The following MGAM2 variants were observed in gnomAD, a reference collection of about 807,000 sequenced individuals.
The protein encoded by MGAM2 is probable maltase-glucoamylase 2.
In MGAM2, 98 loss-of-function variants were observed where a neutral mutation model predicts 96.1. The observed-to-expected ratio is 1.02, with a 90% CI of 0.87 to 1.21. MGAM2 has a LOEUF of 1.21. MGAM2 is among the 50% of genes most tolerant of loss of function. The pLI, the probability that MGAM2 is intolerant of heterozygous loss-of-function variation, is 0.00. For missense variants in MGAM2, 2,055 were observed against 1,182.4 expected, an observed-to-expected ratio of 1.74 and a Z score of -10.82; for synonymous variants, 749 against 414.8, an observed-to-expected ratio of 1.81 and a Z score of -9.79.
intron 15 of MGAM2, among the ~76,000 whole-genome samples, chr7:142,149,679 T>C (rs993948923): frequency 5.3e-5 from 8 of 151,984 alleles, no homozygotes; most frequent in African/African-American, 1.7e-4. Context: ...TAGCTGGGAC[T>C]ACAGGCAGCT....
intron 3 of MGAM2, among the ~76,000 whole-genome samples, chr7:142,120,873 A>AATGG (rs1794549377): frequency 6.6e-6 from 1 of 152,228 alleles, no homozygotes; most frequent in Non-Finnish European, 1.5e-5. Context: ...TAGAGGTCCC[A>AATGG]ATGGATACGT....
In MGAM2 at chr7:142,170,242, T is replaced by C; in HGVS notation, c.3182+13T>C. 1.4e-6 allele frequency: 1 copy of C among 699,252 alleles called. No individual in the cohort carries two copies. Among genetic ancestry groups the C allele is most frequent in the South Asian group, 1.5e-5 (1 of 66,760 alleles). 43.3% of individuals were successfully genotyped at this position (699,252 alleles called of 1,614,324 possible). A position where few individuals can be genotyped will look rare whatever the true frequency, so the allele number is the denominator to read the frequency against. On this transcript the variant is annotated intron_variant, in intron 27 of 47. Coordinates refer to ENST00000477922, the MANE Select transcript of MGAM2 (RefSeq NM_001293626.2). ...CCAGCACTGTGATGTAAGCACTATT[T>C]ATTTGATTCTAATTAGAGTAGTTCT...
At position 142,186,013 on chromosome 7, in the gene MGAM2, C is replaced by T. The variant is rs1351550217; in HGVS notation, c.4012C>T (p.Pro1338Ser). Residue 1338 changes from proline to serine, a missense_variant, in exon 35 of 48, where the codon CCT (proline) becomes TCT (serine). Physicochemically the swap from Pro to Ser is moderately conservative, Grantham distance 74. Coordinates refer to ENST00000477922, the MANE Select transcript of MGAM2 (RefSeq NM_001293626.2). ...GCTTTACAGGGCCTACGTTGCCTTT[C>T]CTGACTTCTTTCGTAATAGCACAGC... ...VKLYRAYVAF[P>S]DFFRNSTAAW... is the part of the protein sequence containing the mutation. 1 of 703,726 alleles carries T rather than the reference C, an allele frequency of 1.4e-6. No homozygotes were observed. Among genetic ancestry groups the T allele is most frequent in the African/African-American group, 1.7e-5 (1 of 57,372 alleles). The allele number at this position is 703,726 out of a possible 1,614,324, so 43.6% of individuals were successfully genotyped here.
Position 142,208,579 on chromosome 7 carries a change from A to G in MGAM2, c.5144A>G (p.Tyr1715Cys), listed in dbSNP as rs1563296098. ...FWDDGQSIDT[Y>C]ENGNYFLANF... ...TTCTTTTCCTTGTTTGCAGATACCT[A>G]TGAAAATGGAAATTATTTTTTGGCA... Residue 1715 changes from tyrosine (Y) to cysteine (C), a missense_variant, in exon 46 of 48, where the codon TAT (tyrosine) becomes TGT (cysteine). Coordinates refer to ENST00000477922, the MANE Select transcript of MGAM2 (RefSeq NM_001293626.2). The G allele has an allele frequency of 1.4e-6, 1 of 702,838 alleles. No individual in the cohort carries two copies. Among genetic ancestry groups the G allele is most frequent in the Non-Finnish European group, 2.6e-6 (1 of 384,926 alleles). 43.5% of individuals were successfully genotyped at this position (702,838 alleles called of 1,614,324 possible).
chr7:142,213,471 T>C (rs930962047), intron 46 of MGAM2, among the ~76,000 whole-genome samples: 3 of 151,712 alleles, frequency 2.0e-5, no homozygotes, highest in African/African-American at 7.3e-5. Flanking sequence ...ATAGACACAA[T>C]AAAAAATGGT....
At chr7:142,203,861 T>G (rs1233292236) in intron 45 of MGAM2, among the ~76,000 whole-genome samples, 1 of 152,070 alleles carries the variant, frequency 6.6e-6, no homozygotes, top group Non-Finnish European at 1.5e-5. Flanking sequence ...GGATTGAAGA[T>G]TTAAATGTAA....
At chr7:142,153,872 T>C in intron 15 of MGAM2, 146 bp from the exon 16 acceptor site, 1 of 447,838 alleles carries the variant, frequency 2.2e-6, no homozygotes, top group Non-Finnish European at 4.0e-6. Flanking sequence ...AGCTCTTAGA[T>C]AGTACTAAGT....
chr7:142,198,476 A>G (rs1797120393), intron 43 of MGAM2, 139 bp from the exon 44 acceptor site: 1 of 592,976 alleles, frequency 1.7e-6, no homozygotes, highest in Non-Finnish European at 3.0e-6. Context: ...CTGAAAGATC[A>G]GAGATTTTCT....
At chr7:142,186,195 C>T (rs1033001363) in intron 35 of MGAM2, 72 bp downstream of exon 35, 2 of 674,386 alleles carry the variant, frequency 3.0e-6, no homozygotes, top group East Asian at 5.4e-5. Context: ...GGAGGAGAGA[C>T]TAGCAAAGCA....
chr7:142,147,642 C>T (rs948177652), intron 15 of MGAM2, 69 bp downstream of exon 15: 9 of 645,778 alleles, frequency 1.4e-5, no homozygotes, highest in Non-Finnish European at 2.5e-5. Context: ...GGTTTTTCTT[C>T]TGTTCTATAT....
rs1554515508 is a variant in MGAM2, at chr7:142,213,535, C to CTATAAAAA, written c.5188-4820_5188-4819insAATATAAA. On this transcript the variant is annotated intron_variant, in intron 46 of 47. Transcript: ENST00000477922. ...AAATACAAACTACCATCAGAGAATA[C>CTATAAAAA]TATAAACACCTCTATGCAAATAAAC... Among the ~76,000 whole-genome samples, 148 of 151,022 alleles carry CTATAAAAA rather than the reference C, an allele frequency of 9.8e-4. 1 individual carries two copies. The South Asian group carries it at 0.03, about 30-fold the overall frequency.
rs1554499608 is a variant in MGAM2 at position 142,114,224 on chromosome 7, A to AAGAAAGAAAGAAAGAAAGAG, written c.-1+2426_-1+2427insGAAAGAAAGAGAGAAAGAAA. ...AAAGAAAGAAAGAAAGAGAGAAAGA[A>AAGAAAGAAAGAAAGAAAGAG]AGAAAGAAATAGGAGACTACAAAGA... On this transcript the variant is annotated intron_variant, in intron 1 of 47. Coordinates refer to ENST00000477922, the MANE Select transcript of MGAM2 (RefSeq NM_001293626.2). Among the ~76,000 whole-genome samples, 17 of 137,096 alleles carry AAGAAAGAAAGAAAGAAAGAG rather than the reference A, an allele frequency of 1.2e-4. 1 individual carries two copies. Among genetic ancestry groups the AAGAAAGAAAGAAAGAAAGAG allele is most frequent in the Middle Eastern group, 3.7e-3 (1 of 270 alleles). The allele number at this position is 137,096 out of a possible 152,430, so 89.9% of individuals were successfully genotyped here. A position where few individuals can be genotyped will look rare whatever the true frequency, so the allele number is the denominator to read the frequency against.
rs1796749682 is a variant in MGAM2, at chr7:142,187,913, GC to G, written c.4207+81del. The stretch of plus-strand genomic sequence containing the variant: ...GTTTTCCTTTTACTGTCAAAGTGAA[GC>G]CTAATGTTGAAGACAGAAACCATTC... On this transcript the variant is annotated intron_variant, in intron 36 of 47. Coordinates refer to ENST00000477922, the MANE Select transcript of MGAM2 (RefSeq NM_001293626.2). 6.0e-6 allele frequency: 4 copies of G among 661,592 alleles called. No individual in the cohort carries two copies. The Admixed American group carries it at 8.8e-5, about 14-fold the overall frequency. 41.0% of individuals were successfully genotyped at this position (661,592 alleles called of 1,614,324 possible). A position where few individuals can be genotyped will look rare whatever the true frequency, so the allele number is the denominator to read the frequency against.
intron 3 of MGAM2, among the ~76,000 whole-genome samples, chr7:142,130,342 G>A (rs1371210834): frequency 6.6e-6 from 1 of 152,148 alleles, no homozygotes; most frequent in African/African-American, 2.4e-5. Context: ...TCTTTCTCAT[G>A]GGAAAGTCCA....
At chr7:142,116,008 C>T (rs1585135390) in intron 1 of MGAM2, among the ~76,000 whole-genome samples, 2 of 152,098 alleles carry the variant, frequency 1.3e-5, no homozygotes, top group Admixed American at 6.5e-5. Flanking sequence ...GATGGAATGG[C>T]GAAGAAGGCA....
At position 142,186,134 on chromosome 7, in the gene MGAM2, C is replaced by G; in HGVS notation, c.4122+11C>G. On this transcript the variant is annotated intron_variant, in intron 35 of 47. Transcript: ENST00000477922. ...GATGGATTGTGGATTGTAAGTGCACCCTTGGTTGTCTTTTTTTTTTTTTTG... is the reference window on the plus strand; with the variant it reads ...GATGGATTGTGGATTGTAAGTGCACGCTTGGTTGTCTTTTTTTTTTTTTTG... 1 of 671,046 alleles carries G rather than the reference C, an allele frequency of 1.5e-6. No homozygotes were observed. Among genetic ancestry groups the G allele is most frequent in the African/African-American group, 1.9e-5 (1 of 52,458 alleles). The allele number at this position is 671,046 out of a possible 1,614,324, so 41.6% of individuals were successfully genotyped here. A position where few individuals can be genotyped will look rare whatever the true frequency, so the allele number is the denominator to read the frequency against.
chr7:142,181,567 C>G (rs762060007), intron 32 of MGAM2, among the ~76,000 whole-genome samples: 1 of 152,198 alleles, frequency 6.6e-6, no homozygotes, highest in Non-Finnish European at 1.5e-5. Context: ...GGAGCCTCCT[C>G]TAATCACTGA....
In MGAM2 at chr7:142,188,474, AAAC is replaced by A. The variant is rs202016404; in HGVS notation, c.4207+652_4207+654del. On this transcript the variant is annotated intron_variant, in intron 36 of 47. Coordinates refer to ENST00000477922, the MANE Select transcript of MGAM2 (RefSeq NM_001293626.2). ...AACAAACAAACACCAAAAACCAGAA[AAAC>A]AACAACAACAAAAGGCATTATACCA... 7.7e-3 allele frequency among the ~76,000 whole-genome samples: 1,168 copies of A among 152,222 alleles called. 7 individuals are homozygous for A. The highest frequency in any genetic ancestry group is 0.013 in the Non-Finnish European group (889 of 67,988).
chr7:142,137,399 A>C, intron 8 of MGAM2, 34 bp from the exon 9 acceptor site: 3 of 675,298 alleles, frequency 4.4e-6, no homozygotes, highest in Non-Finnish European at 8.1e-6. Flanking sequence ...TTCCAACCAT[A>C]AGATTCTAAT....
Sources: gnomAD v4.1 joint callset for allele counts (sites outside exome capture counted in the v4.1 genomes callset) on GRCh38, gnomAD v4.1.1 for gene constraint, MANE v1.5 for transcripts, NCBI Gene and HGNC (gene_info 2026-07-23, HGNC 2026-07-21) for gene names.